Variants in DTWD1 observed in about 807,000 individuals in gnomAD.
DTWD1 encodes the protein tRNA-uridine aminocarboxypropyltransferase 1.
DTWD1 carries 27 observed loss-of-function variants against 30.2 expected under a neutral mutation model. The ratio of observed to expected loss-of-function variants is 0.90; its 90% CI spans 0.66 to 1.23. DTWD1 has a LOEUF of 1.23. Among genes scored for constraint, DTWD1 ranks in the 50% most tolerant of loss-of-function variants. The pLI is 0.00. For synonymous variants in DTWD1, 99 were observed against 113.1 expected (o/e 0.88, Z 0.79); for missense variants, 342 against 348.8 (o/e 0.98, Z 0.15).
In DTWD1 at chr15:49,650,891, C is replaced by G. The variant is rs933119129; in HGVS notation, c.*7313C>G. ...TCTCAGCATTCCTCTTTAGAGGACT[C>G]GACCTGTGGTAATTGTTAGTAGGAG... On this transcript the variant is annotated 3_prime_UTR_variant, in exon 5 of 5. Transcript: ENST00000403028. 1 of 152,266 alleles carries G rather than the reference C, an allele frequency of 6.6e-6. No individual in the cohort carries two copies. 9.4% of individuals were successfully genotyped at this position (152,266 alleles called of 1,614,324 possible). A position where few individuals can be genotyped will look rare whatever the true frequency, so the allele number is the denominator to read the frequency against.
chr15:49,648,086 T>G lies in DTWD1; in HGVS notation c.*4508T>G, dbSNP rs1181532913. 1 of 152,136 alleles carries G rather than the reference T, an allele frequency of 6.6e-6. No homozygotes were observed. Among genetic ancestry groups the G allele is most frequent in the Non-Finnish European group, 1.5e-5 (1 of 68,010 alleles). 9.4% of individuals were successfully genotyped at this position (152,136 alleles called of 1,614,324 possible). A position where few individuals can be genotyped will look rare whatever the true frequency, so the allele number is the denominator to read the frequency against. ...ACCTTAAGAGGAAAGGCAATAGAGC[T>G]TGTAACAGCTATTACCCTTGGTTGT... On this transcript the variant is annotated 3_prime_UTR_variant, in exon 5 of 5. Coordinates refer to ENST00000403028, the MANE Select transcript of DTWD1 (RefSeq NM_001144955.2).
intron 1 of DTWD1, among the ~76,000 whole-genome samples, chr15:49,624,766 T>G (rs74012455): frequency 0.021 from 3,160 of 152,270 alleles, 135 homozygotes; most frequent in African/African-American, 0.073. Context: ...TATTTTTCAT[T>G]AATGTCAATT....
intron 4 of DTWD1, among the ~76,000 whole-genome samples, chr15:49,637,770 A>G (rs528883731): frequency 1.1e-4 from 17 of 152,310 alleles, no homozygotes; most frequent in African/African-American, 3.8e-4. Flanking sequence ...TTATCTAGAA[A>G]AGAACATTTT....
Position 49,643,325 on chromosome 15 carries a change from T to TTTAAA in DTWD1, c.668-6_668-5insTTAAA. On this transcript the variant is annotated splice_polypyrimidine_tract_variant and splice_region_variant and intron_variant, in intron 4 of 4. Coordinates refer to ENST00000403028, the MANE Select transcript of DTWD1 (RefSeq NM_001144955.2). ...TTCTTTCTTTTTTTTTTTTTTTTTT[T>TTTAAA]GACAGGGTTGTTACAAGTTGAGTTG... is the stretch of plus-strand genomic sequence containing the variant. The TTTAAA allele has an allele frequency of 6.9e-7, 1 of 1,456,174 alleles. No individual in the cohort carries two copies. The allele number at this position is 1,456,174 out of a possible 1,614,324, so 90.2% of individuals were successfully genotyped here.
intron 1 of DTWD1, 68 bp from the exon 2 acceptor site, chr15:49,625,045 T>A: frequency 3.0e-6 from 3 of 1,010,184 alleles, no homozygotes; most frequent in Non-Finnish European, 4.3e-6. Flanking sequence ...TTGAGTAATT[T>A]TCTTTGTAGA....
chr15:49,626,698 G>T (rs2078848905), intron 2 of DTWD1: 1 of 387,300 alleles, frequency 2.6e-6, no homozygotes, highest in Non-Finnish European at 5.3e-6. Context: ...ATTTGAATTT[G>T]AAGTAAGAAG....
Position 49,652,481 on chromosome 15 carries a change from A to C in DTWD1, c.*8903A>C, listed in dbSNP as rs969025045. On this transcript the variant is annotated 3_prime_UTR_variant, in exon 5 of 5. Transcript: ENST00000403028. ...AAAAGGGCATGATGGCCTGGAACTC[A>C]GGCCTCTCAAGGAATGTGGGTCTGA... 1 of 152,184 alleles carries C rather than the reference A, an allele frequency of 6.6e-6. No individual in the cohort carries two copies. Among genetic ancestry groups the C allele is most frequent in the African/African-American group, 2.4e-5 (1 of 41,454 alleles). The allele number at this position is 152,184 out of a possible 1,614,324, so 9.4% of individuals were successfully genotyped here.
rs548657641 is a variant in DTWD1 at position 49,621,831 on chromosome 15, A to G, written c.-56+709A>G. Among the ~76,000 whole-genome samples the G allele has an allele frequency of 1.2e-4, 19 of 152,306 alleles. No individual in the cohort carries two copies. In the East Asian group the frequency reaches 3.5e-3, roughly 28 times the overall value. ...AAGGGTACTACTACCTTGGATTATG[A>G]AAAATGAATGTTGGACCTGTAGGTC... On this transcript the variant is annotated intron_variant, in intron 1 of 4. Coordinates refer to ENST00000403028, the MANE Select transcript of DTWD1 (RefSeq NM_001144955.2).
chr15:49,625,626 C>T (rs1188101279), intron 2 of DTWD1, 195 bp downstream of exon 2: 3 of 580,878 alleles, frequency 5.2e-6, no homozygotes, highest in Non-Finnish European at 5.9e-6. Context: ...CAGAAGGGTG[C>T]TGCGCCTGAT....
chr15:49,642,456 C>G (rs1411734775), intron 4 of DTWD1, among the ~76,000 whole-genome samples: 1 of 152,108 alleles, frequency 6.6e-6, no homozygotes, highest in African/African-American at 2.4e-5. Context: ...CTGCAGCATA[C>G]ATGTGACAGA....
At chr15:49,622,408 A>T (rs1283997341) in intron 1 of DTWD1, among the ~76,000 whole-genome samples, 1 of 152,224 alleles carries the variant, frequency 6.6e-6, no homozygotes, top group African/African-American at 2.4e-5. Flanking sequence ...ATAGAGGATT[A>T]TATACAAGGT....
chr15:49,633,043 C>CTATCTATATATATATATA (rs1555588572), intron 3 of DTWD1, among the ~76,000 whole-genome samples: 2,226 of 128,448 alleles, frequency 0.017, 44 homozygotes, highest in Middle Eastern at 0.026. Context: ...CTATTTATAT[C>CTATCTATATATATATATA]TATATCTATA....
At position 49,650,718 on chromosome 15, in the gene DTWD1, C is replaced by A. The variant is rs1471774919; in HGVS notation, c.*7140C>A. On this transcript the variant is annotated 3_prime_UTR_variant, in exon 5 of 5. Transcript: ENST00000403028. ...TCAGTGGAGATGTAAGGCCTTGCTACTTCAGCCTCATTTATTACACTGTCA... is the reference window on the plus strand; with the variant it reads ...TCAGTGGAGATGTAAGGCCTTGCTAATTCAGCCTCATTTATTACACTGTCA... The A allele has an allele frequency of 6.6e-6, 1 of 152,132 alleles. No individual in the cohort carries two copies. Among genetic ancestry groups the A allele is most frequent in the Non-Finnish European group, 1.5e-5 (1 of 68,028 alleles). The allele number at this position is 152,132 out of a possible 1,614,324, so 9.4% of individuals were successfully genotyped here. A position where few individuals can be genotyped will look rare whatever the true frequency, so the allele number is the denominator to read the frequency against.
intron 2 of DTWD1, among the ~76,000 whole-genome samples, chr15:49,627,276 A>T (rs1246984730): frequency 6.6e-6 from 1 of 152,188 alleles, no homozygotes; most frequent in Non-Finnish European, 1.5e-5. Flanking sequence ...ATAAAATTTG[A>T]TACTTTAATA....
intron 4 of DTWD1, among the ~76,000 whole-genome samples, chr15:49,642,481 G>A (rs977344104): frequency 6.6e-6 from 1 of 152,070 alleles, no homozygotes; most frequent in Non-Finnish European, 1.5e-5. Context: ...AAACAAACAA[G>A]CAAACAAAAG....
chr15:49,633,382 T>G (rs2078958237), intron 3 of DTWD1: 1 of 152,428 alleles, frequency 6.6e-6, no homozygotes, highest in African/African-American at 2.4e-5. Context: ...TTGCTCAGGT[T>G]GGAATGCATT....
Position 49,651,430 on chromosome 15 carries a change from A to C in DTWD1, c.*7852A>C, listed in dbSNP as rs1310140722. 1 of 152,136 alleles carries C rather than the reference A, an allele frequency of 6.6e-6. No individual in the cohort carries two copies. The highest frequency in any genetic ancestry group is 1.5e-5 in the Non-Finnish European group (1 of 68,056). 9.4% of individuals were successfully genotyped at this position (152,136 alleles called of 1,614,324 possible). On this transcript the variant is annotated 3_prime_UTR_variant, in exon 5 of 5. Coordinates refer to ENST00000403028, the MANE Select transcript of DTWD1 (RefSeq NM_001144955.2). ...TTCCTGCTTCAGTTATTCGCCACCC[A>C]GTGCTAGCACAGTGGGCACATGAAT...
At chr15:49,635,758 T>A (rs1316519680) in intron 4 of DTWD1, among the ~76,000 whole-genome samples, 5 of 152,186 alleles carry the variant, frequency 3.3e-5, no homozygotes, top group Non-Finnish European at 7.3e-5. Context: ...CCTCCCAAAG[T>A]GCTGGGATTA....
At chr15:49,627,849 G>T (rs1476091370) in intron 2 of DTWD1, among the ~76,000 whole-genome samples, 2 of 152,088 alleles carry the variant, frequency 1.3e-5, no homozygotes, top group African/African-American at 2.4e-5. Flanking sequence ...TGATGTTACT[G>T]TACACTACTG....
Sources: gnomAD v4.1 joint callset for allele counts (sites outside exome capture counted in the v4.1 genomes callset) on GRCh38, gnomAD v4.1.1 for gene constraint, MANE v1.5 for transcripts, NCBI Gene and HGNC (gene_info 2026-07-23, HGNC 2026-07-21) for gene names.